Variants in SLC35F4 observed in about 807,000 individuals in gnomAD.
The protein encoded by SLC35F4 is chromosome 14 open reading frame 36.
In SLC35F4, 24 loss-of-function variants were observed where a neutral mutation model predicts 44.2. That is an observed-to-expected ratio of 0.54 (90% CI 0.39 to 0.76). SLC35F4 has a LOEUF of 0.76. SLC35F4 is among the 30% of genes least tolerant of loss of function. The pLI is 0.00. For missense variants in SLC35F4, 562 were observed against 586.1 expected (o/e 0.96, Z 0.42); for synonymous variants, 238 against 223.6 (o/e 1.06, Z -0.57).
intron 1 of SLC35F4, among the ~76,000 whole-genome samples, chr14:57,845,312 T>C (rs1168713526): frequency 6.6e-6 from 1 of 152,234 alleles, no homozygotes; most frequent in Non-Finnish European, 1.5e-5. Flanking sequence ...AGGTAACCTC[T>C]CTGAGCCTCA....
At chr14:57,772,402 T>C (rs1595018695) in intron 1 of SLC35F4, among the ~76,000 whole-genome samples, 1 of 152,198 alleles carries the variant, frequency 6.6e-6, no homozygotes, top group Non-Finnish European at 1.5e-5. Flanking sequence ...GATTAGGGGG[T>C]ACATGTGCTT....
chr14:57,610,976 G>T (rs1209895271), intron 1 of SLC35F4, among the ~76,000 whole-genome samples: 2 of 152,244 alleles, frequency 1.3e-5, no homozygotes, highest in Non-Finnish European at 2.9e-5. Flanking sequence ...TGTGAAGAAC[G>T]CAAGAGTGGG....
At chr14:57,719,590 T>C (rs1193949670) in intron 1 of SLC35F4, among the ~76,000 whole-genome samples, 1 of 34,440 alleles carries the variant, frequency 2.9e-5, no homozygotes, top group Non-Finnish European at 1.5e-4. Flanking sequence ...CTATTTTTCC[T>C]GGGATTTTTT....
chr14:57,859,628 G>A (rs1208146452), intron 1 of SLC35F4, among the ~76,000 whole-genome samples: 7 of 152,186 alleles, frequency 4.6e-5, no homozygotes, highest in Non-Finnish European at 8.8e-5. Context: ...AGGGGTGTGA[G>A]ATGAACACAT....
chr14:57,882,026 C>T (rs1192135901), intron 1 of SLC35F4, among the ~76,000 whole-genome samples: 1 of 152,144 alleles, frequency 6.6e-6, no homozygotes, highest in African/African-American at 2.4e-5. Flanking sequence ...TGACCACGGC[C>T]TCCCATATGC....
At chr14:57,641,847 ATGAATAG>A (rs1254146262) in intron 1 of SLC35F4, among the ~76,000 whole-genome samples, 1 of 152,018 alleles carries the variant, frequency 6.6e-6, no homozygotes, top group African/African-American at 2.4e-5. Context: ...AGATTCACTG[ATGAATAG>A]CATAGTCTTA....
chr14:57,681,662 TTAAAC>T (rs1393783978), intron 1 of SLC35F4, among the ~76,000 whole-genome samples: 1 of 152,072 alleles, frequency 6.6e-6, no homozygotes, highest in African/African-American at 2.4e-5. Context: ...TGGGATCTGA[TTAAAC>T]TAAAGAGTTT....
intron 1 of SLC35F4, among the ~76,000 whole-genome samples, chr14:57,876,764 C>T (rs1169016411): frequency 6.6e-6 from 1 of 152,096 alleles, no homozygotes. Context: ...ACAGCAGCAA[C>T]ATTGGATATA....
At chr14:57,579,167 G>T (rs986118720) in intron 4 of SLC35F4, among the ~76,000 whole-genome samples, 1 of 152,144 alleles carries the variant, frequency 6.6e-6, no homozygotes, top group African/African-American at 2.4e-5. Flanking sequence ...CCAATATGAT[G>T]TCCCCTTTTC....
intron 1 of SLC35F4, among the ~76,000 whole-genome samples, chr14:57,936,498 G>C (rs552336278): frequency 1.2e-4 from 19 of 152,294 alleles, no homozygotes; most frequent in African/African-American, 4.6e-4. Flanking sequence ...ACCAGATTTT[G>C]AGATTTTGAG....
At chr14:57,760,188 G>T (rs937165623) in intron 1 of SLC35F4, among the ~76,000 whole-genome samples, 1 of 151,636 alleles carries the variant, frequency 6.6e-6, no homozygotes, top group East Asian at 1.9e-4. Flanking sequence ...TCTTTTTTTC[G>T]CTTTGAGTTC....
intron 1 of SLC35F4, among the ~76,000 whole-genome samples, chr14:57,685,217 C>A (rs1264772009): frequency 1.3e-5 from 2 of 152,108 alleles, no homozygotes; most frequent in Non-Finnish European, 2.9e-5. Context: ...CTTTAGGCCT[C>A]CCACTTCTGG....
chr14:57,646,494 T>C (rs1055629048), intron 1 of SLC35F4, among the ~76,000 whole-genome samples: 2 of 152,178 alleles, frequency 1.3e-5, no homozygotes, highest in Non-Finnish European at 2.9e-5. Context: ...TTTTATTGCG[T>C]CTATTTGATT....
At chr14:57,636,333 C>T (rs2073016162) in intron 1 of SLC35F4, among the ~76,000 whole-genome samples, 1 of 152,082 alleles carries the variant, frequency 6.6e-6, no homozygotes, top group African/African-American at 2.4e-5. Context: ...CTCTATATTG[C>T]AGAGGTTGCA....
Position 57,865,813 on chromosome 14 carries a change from C to T in SLC35F4, c.13G>A (p.Ala5Thr), listed in dbSNP as rs973684947. Residue 5 changes from alanine to threonine, a missense_variant, in exon 1 of 8, where the codon GCG (alanine) becomes ACG (threonine). Coordinates refer to ENST00000556826, the MANE Select transcript of SLC35F4 (RefSeq NM_001306087.2). MDVKAAPNGVATIED... is the reference protein window; with the variant it reads MDVKTAPNGVATIED... ...ATAGTGGCCACCCCGTTGGGGGCCG[C>T]CTTGACATCCATAGAGAGCGCGGGG... is the stretch of plus-strand genomic sequence containing the variant. 22 of 1,518,868 alleles carry T rather than the reference C, an allele frequency of 1.4e-5. No homozygotes were observed. In the Admixed American group the frequency reaches 4.5e-4, roughly 31 times the overall value. The allele number at this position is 1,518,868 out of a possible 1,614,324, so 94.1% of individuals were successfully genotyped here. A position where few individuals can be genotyped will look rare whatever the true frequency, so the allele number is the denominator to read the frequency against.
intron 1 of SLC35F4, among the ~76,000 whole-genome samples, chr14:57,944,695 A>AAAAGAAAGAAAGAAAGAAAGAAAAAG (rs1889980201): frequency 1.7e-5 from 2 of 115,998 alleles, no homozygotes; most frequent in African/African-American, 7.7e-5. Context: ...AGAAAGAAAG[A>AAAAGAAAGAAAGAAAGAAAGAAAAAG]AAAGAAAGAA....
At chr14:57,841,941 C>T (rs1271174335) in intron 1 of SLC35F4, among the ~76,000 whole-genome samples, 4 of 152,170 alleles carry the variant, frequency 2.6e-5, no homozygotes, top group East Asian at 1.9e-4. Flanking sequence ...TGTTGGAACA[C>T]GAAGTTATCA....
chr14:57,655,511 G>C (rs1043026285), intron 1 of SLC35F4, among the ~76,000 whole-genome samples: 8 of 152,134 alleles, frequency 5.3e-5, no homozygotes, highest in African/African-American at 1.9e-4. Flanking sequence ...ACAGCAATGA[G>C]GGGAGGACAG....
At chr14:57,857,142 T>A (rs1887186660) in intron 1 of SLC35F4, among the ~76,000 whole-genome samples, 1 of 151,908 alleles carries the variant, frequency 6.6e-6, no homozygotes, top group East Asian at 1.9e-4. Context: ...CTGGGCATGG[T>A]GGTGCATGCC....
Sources: gnomAD v4.1 joint callset for allele counts (sites outside exome capture counted in the v4.1 genomes callset) on GRCh38, gnomAD v4.1.1 for gene constraint, MANE v1.5 for transcripts, NCBI Gene and HGNC (gene_info 2026-07-23, HGNC 2026-07-21) for gene names.